The following FHIP1A variants were observed in gnomAD, a reference collection of about 807,000 sequenced individuals.
The protein encoded by FHIP1A is FHF complex subunit HOOK-interacting protein 1A.
A neutral mutation model predicts 88.6 loss-of-function variants in FHIP1A; 61 were observed. The ratio of observed to expected loss-of-function variants is 0.69; its 90% confidence interval spans 0.56 to 0.85. The LOEUF (loss-of-function observed/expected upper bound fraction) is 0.85, where lower values mean the gene tolerates loss of function less well. FHIP1A is among the 40% of genes least tolerant of loss of function. FHIP1A has a pLI of 0.00. For synonymous variants in FHIP1A, 478 were observed against 496.0 expected, an observed-to-expected ratio of 0.96 and a Z score of 0.48; for missense variants, 1,154 against 1,273.5, an observed-to-expected ratio of 0.91 and a Z score of 1.43.
chr4:151,588,472 A>T (rs890622319), intron 6 of FHIP1A, among the ~76,000 whole-genome samples: 1 of 152,180 alleles, frequency 6.6e-6, no homozygotes, highest in Non-Finnish European at 1.5e-5. Context: ...GGCAAAAATT[A>T]TACTTTCCAG....
chr4:151,647,983 A>G (rs1033378338), intron 10 of FHIP1A, among the ~76,000 whole-genome samples: 4 of 152,212 alleles, frequency 2.6e-5, no homozygotes, highest in African/African-American at 9.6e-5. Flanking sequence ...TTATACAGCT[A>G]AGTAGGTTCT....
intron 6 of FHIP1A, 53 bp downstream of exon 6, chr4:151,586,852 G>T: frequency 7.7e-7 from 1 of 1,299,712 alleles, no homozygotes; most frequent in Non-Finnish European, 1.0e-6. Context: ...CAGAGCACAA[G>T]CACTGCAAAG....
Position 151,491,197 on chromosome 4 carries a change from A to G in FHIP1A, c.-123+8549A>G, listed in dbSNP as rs1011872889. 4.6e-5 allele frequency among the ~76,000 whole-genome samples: 7 copies of G among 152,218 alleles called. No homozygotes were observed. In the East Asian group the frequency reaches 1.3e-3, roughly 29 times the overall value. ...GATCTAGGCACATAGTCATCAGGTT[A>G]TCTAAAGTCAAGACAAAGAAAAGAA... On this transcript the variant is annotated intron_variant, in intron 3 of 13. Coordinates refer to ENST00000435205, the MANE Select transcript of FHIP1A (RefSeq NM_001109977.3).
intron 7 of FHIP1A, among the ~76,000 whole-genome samples, chr4:151,627,949 G>A (rs1736012409): frequency 6.6e-6 from 1 of 152,180 alleles, no homozygotes; most frequent in Non-Finnish European, 1.5e-5. Context: ...GGCAGCATTA[G>A]GAGTGCTTCA....
At chr4:151,500,421 T>A (rs1730608128) in intron 3 of FHIP1A, among the ~76,000 whole-genome samples, 2 of 138,580 alleles carry the variant, frequency 1.4e-5, no homozygotes, top group South Asian at 4.6e-4. Context: ...TTCGATTGTA[T>A]GGAGGTCAGC....
At position 151,439,780 on chromosome 4, in the gene FHIP1A, C is replaced by T. The variant is rs147103370; in HGVS notation, c.-355-14921C>T. ...AGGCATTAACCAAACACTCCACTCTCTGGGGAACTCATCACTTCTCCTAGC... is the reference window on the plus strand; with the variant it reads ...AGGCATTAACCAAACACTCCACTCTTTGGGGAACTCATCACTTCTCCTAGC... On this transcript the variant is annotated intron_variant, in intron 1 of 13. Coordinates refer to ENST00000435205, the MANE Select transcript of FHIP1A (RefSeq NM_001109977.3). 7.9e-3 allele frequency among the ~76,000 whole-genome samples: 1,198 copies of T among 152,324 alleles called. 11 individuals carry two copies. Among genetic ancestry groups the T allele is most frequent in the South Asian group, 0.038 (184 of 4,832 alleles).
At chr4:151,573,531 A>T (rs1248702174) in intron 4 of FHIP1A, among the ~76,000 whole-genome samples, 5 of 152,128 alleles carry the variant, frequency 3.3e-5, no homozygotes, top group Non-Finnish European at 7.4e-5. Context: ...GGTTGCTTTC[A>T]TTCTTTTACC....
intron 3 of FHIP1A, among the ~76,000 whole-genome samples, chr4:151,522,689 T>C (rs1731490055): frequency 6.6e-6 from 1 of 152,250 alleles, no homozygotes; most frequent in African/African-American, 2.4e-5. Context: ...GGCTTTCCAA[T>C]CTTCTCATCT....
At chr4:151,547,782 C>T (rs377349273) in intron 3 of FHIP1A, among the ~76,000 whole-genome samples, 17 of 152,192 alleles carry the variant, frequency 1.1e-4, no homozygotes, top group Admixed American at 8.5e-4. Flanking sequence ...GGCATGGTGG[C>T]GGGTGCTTGT....
intron 7 of FHIP1A, among the ~76,000 whole-genome samples, chr4:151,616,892 C>T (rs1009877843): frequency 2.0e-5 from 3 of 151,988 alleles, no homozygotes; most frequent in Admixed American, 1.3e-4. Flanking sequence ...GAACTATAGA[C>T]ACGGGCCACC....
intron 3 of FHIP1A, among the ~76,000 whole-genome samples, chr4:151,503,821 A>G (rs1730732413): frequency 6.6e-6 from 1 of 152,186 alleles, no homozygotes. Flanking sequence ...GACTTTCTCT[A>G]TAGCATAGAC....
intron 1 of FHIP1A, among the ~76,000 whole-genome samples, chr4:151,444,306 T>G (rs1254112470): frequency 1.3e-5 from 2 of 152,188 alleles, no homozygotes; most frequent in Non-Finnish European, 1.5e-5. Flanking sequence ...CATCAGGTTG[T>G]TCTTTTAAAA....
chr4:151,547,190 A>G (rs1166785721), intron 3 of FHIP1A, among the ~76,000 whole-genome samples: 3 of 152,168 alleles, frequency 2.0e-5, no homozygotes, highest in African/African-American at 4.8e-5. Flanking sequence ...TGCATCCTGT[A>G]TGTGTGAGCA....
At chr4:151,500,377 A>AC (rs1730606149) in intron 3 of FHIP1A, among the ~76,000 whole-genome samples, 1 of 149,328 alleles carries the variant, frequency 6.7e-6, no homozygotes, top group African/African-American at 2.5e-5. Context: ...TTTGTTATTA[A>AC]TTTCATAGAT....
intron 3 of FHIP1A, among the ~76,000 whole-genome samples, chr4:151,503,499 A>G (rs1031290461): frequency 1.4e-4 from 21 of 152,304 alleles, no homozygotes; most frequent in African/African-American, 5.1e-4. Flanking sequence ...CAGTTAGATA[A>G]GCTTGATCTG....
Position 151,668,396 on chromosome 4 carries a change from G to A in FHIP1A, c.*5642G>A, listed in dbSNP as rs1324727255. On this transcript the variant is annotated 3_prime_UTR_variant, in exon 14 of 14. Transcript: ENST00000435205. ...CCAACTCCAAGCTGAAGGAGGGTGT[G>A]TACTTTCCGAAACTTCGAGGCCATC... Among the ~76,000 whole-genome samples, 1 of 152,170 alleles carries A rather than the reference G, an allele frequency of 6.6e-6. No individual in the cohort carries two copies. Among genetic ancestry groups the A allele is most frequent in the Admixed American group, 6.5e-5 (1 of 15,284 alleles).
intron 2 of FHIP1A, among the ~76,000 whole-genome samples, chr4:151,477,676 A>C (rs1309721957): frequency 6.6e-6 from 1 of 152,166 alleles, no homozygotes; most frequent in Non-Finnish European, 1.5e-5. Flanking sequence ...AAAATGGACT[A>C]AGGCTACAAA....
chr4:151,575,373 G>A (rs548186946), intron 4 of FHIP1A, among the ~76,000 whole-genome samples: 1 of 152,324 alleles, frequency 6.6e-6, no homozygotes, highest in Non-Finnish European at 1.5e-5. Context: ...CTATTGAGAT[G>A]TTGGTAAGGC....
intron 1 of FHIP1A, among the ~76,000 whole-genome samples, chr4:151,436,716 T>C (rs1475433001): frequency 6.6e-6 from 1 of 152,146 alleles, no homozygotes; most frequent in Non-Finnish European, 1.5e-5. Flanking sequence ...TAAATCTAAA[T>C]GGTGTAAGAA....
Sources: allele counts gnomAD v4.1 joint callset (sites outside exome capture counted in the v4.1 genomes callset), GRCh38; gene constraint gnomAD v4.1.1; transcripts MANE v1.5; gene names NCBI Gene and HGNC (gene_info 2026-07-23, HGNC 2026-07-21).